Variants in CTPS2 observed in about 807,000 individuals in gnomAD.
The protein encoded by CTPS2 is CTP synthase 2, also known as CTP synthase II.
Under a neutral mutation model 46.8 loss-of-function variants are expected in CTPS2, and 19 were observed. The observed-to-expected ratio is 0.41, with a 90% CI of 0.28 to 0.60. The LOEUF is 0.60. CTPS2 is among the 20% of genes least tolerant of loss of function. CTPS2 has a pLI of 0.35. For missense variants in CTPS2, 286 were observed against 447.6 expected (o/e 0.64, Z 3.26); for synonymous variants, 151 against 165.2 (o/e 0.91, Z 0.66).
rs573659704 is a variant in CTPS2 at position 16,675,765 on chromosome X, T to C, written c.1094+2597A>G. 2.8e-3 allele frequency among the ~76,000 whole-genome samples: 316 copies of C among 112,077 alleles called. 1 individual carries two copies. Among genetic ancestry groups the C allele is most frequent in the African/African-American group, 9.8e-3 (302 of 30,955 alleles). ...ACAGCTGTTCTTAAATGCAAGTTTCTGATAACTTTGGAGATTGTGACAGCA... is the reference window on the plus strand; with the variant it reads ...ACAGCTGTTCTTAAATGCAAGTTTCCGATAACTTTGGAGATTGTGACAGCA... On this transcript the variant is annotated intron_variant, in intron 10 of 18. Coordinates refer to ENST00000359276, the MANE Select transcript of CTPS2 (RefSeq NM_175859.3).
At chrX:16,673,618 T>C (rs1281891402) in intron 10 of CTPS2, among the ~76,000 whole-genome samples, 1 of 111,827 alleles carries the variant, frequency 8.9e-6, no homozygotes, top group East Asian at 2.8e-4. Flanking sequence ...TTAAAAATAG[T>C]AAAGCTTAAA....
chrX:16,605,239 A>G (rs764484141), intron 17 of CTPS2, among the ~76,000 whole-genome samples: 22 of 111,733 alleles, frequency 2.0e-4, no homozygotes, highest in Non-Finnish European at 3.2e-4. Context: ...CTGAGCCTCA[A>G]ACTGGCTCAT....
chrX:16,677,007 C>A (rs1922331350), intron 10 of CTPS2, among the ~76,000 whole-genome samples: 1 of 104,088 alleles, frequency 9.6e-6, no homozygotes, highest in African/African-American at 3.5e-5. Flanking sequence ...TGCAGTGAGC[C>A]GAGATCGCAC....
intron 8 of CTPS2, among the ~76,000 whole-genome samples, chrX:16,683,617 T>C (rs1922917827): frequency 9.1e-6 from 1 of 110,137 alleles, no homozygotes; most frequent in Non-Finnish European, 1.9e-5. Context: ...AAAACAGAAA[T>C]CCCAACGTTG....
intron 17 of CTPS2, among the ~76,000 whole-genome samples, chrX:16,602,473 G>A (rs1457166003): frequency 9.0e-6 from 1 of 111,398 alleles, no homozygotes; most frequent in African/African-American, 3.3e-5. Context: ...ACTACCTGAT[G>A]AGTCCCCAGG....
At chrX:16,642,096 A>G (rs940227898) in intron 13 of CTPS2, among the ~76,000 whole-genome samples, 1 of 112,387 alleles carries the variant, frequency 8.9e-6, no homozygotes, top group East Asian at 2.8e-4. Context: ...AACTTTGCAC[A>G]TCGTATTTTA....
At chrX:16,664,004 T>C (rs1301006073) in intron 13 of CTPS2, among the ~76,000 whole-genome samples, 1 of 110,547 alleles carries the variant, frequency 9.0e-6, no homozygotes, top group African/African-American at 3.3e-5. Context: ...CCCAGCTAAT[T>C]TCTTTATGTT....
intron 17 of CTPS2, among the ~76,000 whole-genome samples, chrX:16,593,975 CA>C (rs1929092445): frequency 9.0e-6 from 1 of 111,274 alleles, no homozygotes; most frequent in Non-Finnish European, 1.9e-5. Context: ...TTCTATGCAA[CA>C]TTTTGTGTCA....
rs932589700 is a variant in CTPS2 at position 16,680,068 on chromosome X, G to A, written c.1006-1618C>T. On this transcript the variant is annotated intron_variant, in intron 9 of 18. Transcript: ENST00000359276. Reference sequence around the variant, plus strand: ...GCAGCTGGAAACCAGCCCGGAAGCCGCTGCAGCTGCAGCAAACCAGGAGAG... The same window carrying A: ...GCAGCTGGAAACCAGCCCGGAAGCCACTGCAGCTGCAGCAAACCAGGAGAG... 9.0e-5 allele frequency among the ~76,000 whole-genome samples: 10 copies of A among 111,255 alleles called. No individual in the cohort carries two copies. In the South Asian group the frequency reaches 1.2e-3, roughly 13 times the overall value.
intron 13 of CTPS2, among the ~76,000 whole-genome samples, chrX:16,653,547 C>G (rs1932751344): frequency 8.9e-6 from 1 of 111,872 alleles, no homozygotes; most frequent in Admixed American, 9.5e-5. Context: ...GAGGTGGAAG[C>G]TGCAGTGGGC....
In CTPS2 at chrX:16,591,929, GCTCTATTATAA is replaced by G. The variant is rs759690124; in HGVS notation, c.1692-1078_1692-1068del. On this transcript the variant is annotated intron_variant, in intron 17 of 18. Coordinates refer to ENST00000359276, the MANE Select transcript of CTPS2 (RefSeq NM_175859.3). Reference sequence around the variant, plus strand: ...ATTACCATGAGATCACACTCTTTTTGCTCTATTATAACTCTCCATGACTCTCTACTCTTCAT... The same window carrying G: ...ATTACCATGAGATCACACTCTTTTTGCTCTCCATGACTCTCTACTCTTCAT... Among the ~76,000 whole-genome samples the G allele has an allele frequency of 3.6e-3, 407 of 111,514 alleles. 1 individual carries two copies. The highest frequency in any genetic ancestry group is 5.1e-3 in the Admixed American group (54 of 10,525).
chrX:16,654,755 AAGAGAGAG>A (rs79064086), intron 13 of CTPS2: 6 of 146,511 alleles, frequency 4.1e-5, no homozygotes, highest in African/African-American at 1.7e-4. Flanking sequence ...AGATTTAAAA[AAGAGAGAG>A]AGAGAGAGAG....
intron 1 of CTPS2, among the ~76,000 whole-genome samples, chrX:16,707,203 T>G (rs992647522): frequency 3.6e-5 from 4 of 111,842 alleles, no homozygotes; most frequent in African/African-American, 1.3e-4. Flanking sequence ...CCCAATAACT[T>G]GATTTTCTTT....
At chrX:16,619,944 G>T (rs990271713) in intron 15 of CTPS2, among the ~76,000 whole-genome samples, 1 of 111,491 alleles carries the variant, frequency 9.0e-6, no homozygotes, top group African/African-American at 3.3e-5. Context: ...GCAAAATAAA[G>T]GGTGGGGGCT....
chrX:16,616,169 T>C (rs1229425699), intron 16 of CTPS2, among the ~76,000 whole-genome samples: 1 of 112,121 alleles, frequency 8.9e-6, no homozygotes, highest in African/African-American at 3.2e-5. Flanking sequence ...TACCATGTCC[T>C]TGCAAAGCTG....
intron 13 of CTPS2, among the ~76,000 whole-genome samples, chrX:16,656,935 G>C (rs1932835242): frequency 9.0e-6 from 1 of 111,523 alleles, no homozygotes; most frequent in South Asian, 3.8e-4. Flanking sequence ...CCAGGCTGGA[G>C]TGCATTGGCA....
intron 9 of CTPS2, among the ~76,000 whole-genome samples, chrX:16,681,622 C>T (rs888972700): frequency 2.7e-5 from 3 of 111,168 alleles, no homozygotes; most frequent in Admixed American, 9.7e-5. Context: ...TATAGCTCAC[C>T]GCAGTATCAA....
chrX:16,603,189 G>A (rs1340382835), intron 17 of CTPS2, among the ~76,000 whole-genome samples: 1 of 110,971 alleles, frequency 9.0e-6, no homozygotes, highest in African/African-American at 3.3e-5. Flanking sequence ...GGCCGAGGCG[G>A]GTGGATCACG....
chrX:16,703,263 G>T (rs1353567170), intron 1 of CTPS2, among the ~76,000 whole-genome samples: 1 of 109,892 alleles, frequency 9.1e-6, no homozygotes, highest in Non-Finnish European at 1.9e-5. Context: ...CTGAGCTCAA[G>T]CAATCCACCT....
Sources: allele counts gnomAD v4.1 joint callset (sites outside exome capture counted in the v4.1 genomes callset), GRCh38; gene constraint gnomAD v4.1.1; transcripts MANE v1.5; gene names NCBI Gene and HGNC (gene_info 2026-07-23, HGNC 2026-07-21).